Variants in CDKAL1 observed in about 807,000 individuals in gnomAD.
The protein encoded by CDKAL1 is CDKAL1 threonylcarbamoyladenosine tRNA methylthiotransferase, also known as threonylcarbamoyladenosine tRNA methylthiotransferase.
CDKAL1 carries 32 observed loss-of-function variants against 68.2 expected under a neutral mutation model. That is an observed-to-expected ratio of 0.47 (90% confidence interval 0.35 to 0.63). The LOEUF is 0.63. CDKAL1 is among the 30% of genes least tolerant of loss of function. The pLI, the probability that CDKAL1 is intolerant of heterozygous loss-of-function variation, is 0.00. For synonymous variants in CDKAL1, 234 were observed against 244.3 expected, an observed-to-expected ratio of 0.96 and a Z score of 0.39; for missense variants, 606 against 696.7, an observed-to-expected ratio of 0.87 and a Z score of 1.47.
intron 13 of CDKAL1, among the ~76,000 whole-genome samples, chr6:21,195,700 G>T (rs1421472782): frequency 6.6e-6 from 1 of 151,206 alleles, no homozygotes; most frequent in Non-Finnish European, 1.5e-5. Flanking sequence ...TTATAGAGAC[G>T]GGGTTTTGCC....
intron 13 of CDKAL1, among the ~76,000 whole-genome samples, chr6:21,138,869 C>A (rs9295495): frequency 0.25 from 38,107 of 152,038 alleles, 4,865 homozygotes; most frequent in South Asian, 0.34. Context: ...CTGTAAAGTC[C>A]AGTTTGTCTC....
intron 13 of CDKAL1, among the ~76,000 whole-genome samples, chr6:21,162,127 A>G (rs1776954432): frequency 6.6e-6 from 1 of 152,202 alleles, no homozygotes; most frequent in Non-Finnish European, 1.5e-5. Flanking sequence ...AGATTATTTC[A>G]AACTCCAGAA....
At chr6:20,781,395 C>G in intron 8 of CDKAL1, 130 bp downstream of exon 8, 1 of 718,678 alleles carries the variant, frequency 1.4e-6, no homozygotes, top group African/African-American at 1.8e-5. Context: ...AAAATGTGCT[C>G]AAATACAGTT....
intron 5 of CDKAL1, among the ~76,000 whole-genome samples, chr6:20,683,150 A>T (rs1770461266): frequency 6.6e-6 from 1 of 152,066 alleles, no homozygotes; most frequent in Admixed American, 6.6e-5. Flanking sequence ...GTAATGTGTT[A>T]GGTACTTTTA....
At chr6:20,804,899 T>C (rs4712551) in intron 8 of CDKAL1, among the ~76,000 whole-genome samples, 53,678 of 152,044 alleles carry the variant, frequency 0.35, 10,810 homozygotes, top group Non-Finnish European at 0.44. Context: ...TTGTGACTAG[T>C]CATCATAACT....
Position 20,913,092 on chromosome 6 carries a change from T to C in CDKAL1, c.743-42327T>C, listed in dbSNP as rs1454264297. On this transcript the variant is annotated intron_variant, in intron 9 of 15. Transcript: ENST00000274695. ...TATCAGTCAGGGATCTCCAGAGAAA[T>C]AGAACCATTGAACCACAGTTGTTTA... Among the ~76,000 whole-genome samples, 3 of 147,178 alleles carry C rather than the reference T, an allele frequency of 2.0e-5. No homozygotes were observed. The Admixed American group carries it at 2.0e-4, about 10-fold the overall frequency.
At chr6:20,817,151 G>C (rs552059091) in intron 8 of CDKAL1, among the ~76,000 whole-genome samples, 4 of 152,206 alleles carry the variant, frequency 2.6e-5, no homozygotes, top group Admixed American at 6.6e-5. Context: ...GGTATAGTTG[G>C]AAGTAGAGCT....
intron 15 of CDKAL1, among the ~76,000 whole-genome samples, chr6:21,214,107 T>C (rs1779258652): frequency 6.6e-6 from 1 of 152,118 alleles, no homozygotes; most frequent in Non-Finnish European, 1.5e-5. Flanking sequence ...TCCACTTATG[T>C]GAAATATTGA....
At chr6:20,726,019 T>C (rs1274261335) in intron 5 of CDKAL1, among the ~76,000 whole-genome samples, 2 of 147,256 alleles carry the variant, frequency 1.4e-5, no homozygotes, top group African/African-American at 2.6e-5. Flanking sequence ...CTAAAATACG[T>C]TTTTTTTTCT....
At chr6:20,886,983 G>A (rs1457697171) in intron 9 of CDKAL1, among the ~76,000 whole-genome samples, 2 of 152,122 alleles carry the variant, frequency 1.3e-5, no homozygotes, top group Non-Finnish European at 2.9e-5. Context: ...GCTCAATAAT[G>A]AAGACAAACA....
intron 1 of CDKAL1, 48 bp from the exon 2 acceptor site, chr6:20,535,303 G>T (rs981042): frequency 0.099 from 15,054 of 152,272 alleles, 911 homozygotes; most frequent in African/African-American, 0.15. Context: ...CAGTGGTTTT[G>T]TGAACTTTTT....
At position 20,833,246 on chromosome 6, in the gene CDKAL1, A is replaced by G. The variant is rs927390537; in HGVS notation, c.639-12829A>G. ...TGAGCTTTACTGACTGCGTGAGAGA[A>G]GAGTTGATTCCTGAACAAAATCAGT... On this transcript the variant is annotated intron_variant, in intron 8 of 15. Transcript: ENST00000274695. Among the ~76,000 whole-genome samples the G allele has an allele frequency of 6.6e-5, 10 of 152,198 alleles. 1 individual carries two copies. Among genetic ancestry groups the G allele is most frequent in the Non-Finnish European group, 1.5e-4 (10 of 68,036 alleles).
intron 9 of CDKAL1, among the ~76,000 whole-genome samples, chr6:20,880,441 G>A (rs552515852): frequency 6.6e-6 from 1 of 152,154 alleles, no homozygotes; most frequent in East Asian, 1.9e-4. Context: ...TTTTTTAGTA[G>A]GGACAGGGTT....
chr6:20,816,367 A>G (rs377697592), intron 8 of CDKAL1, among the ~76,000 whole-genome samples: 3 of 152,180 alleles, frequency 2.0e-5, no homozygotes, highest in South Asian at 2.1e-4. Flanking sequence ...CTATCAGTGA[A>G]TTTTAGTGTC....
intron 4 of CDKAL1, among the ~76,000 whole-genome samples, chr6:20,596,354 C>G (rs553026468): frequency 6.6e-6 from 1 of 152,182 alleles, no homozygotes; most frequent in South Asian, 2.1e-4. Flanking sequence ...TTCAGAGATG[C>G]CCTCCCCAGC....
intron 10 of CDKAL1, among the ~76,000 whole-genome samples, chr6:20,971,393 AT>A (rs1340728365): frequency 6.6e-6 from 1 of 152,198 alleles, no homozygotes. Context: ...ACATTTGTTG[AT>A]CGGAAAGATA....
At chr6:21,138,534 T>C (rs1424845997) in intron 13 of CDKAL1, among the ~76,000 whole-genome samples, 3 of 152,170 alleles carry the variant, frequency 2.0e-5, no homozygotes, top group African/African-American at 7.2e-5. Flanking sequence ...ACATTTGTCA[T>C]CTGTGAAACA....
chr6:20,654,113 C>T (rs1394354732), intron 5 of CDKAL1, among the ~76,000 whole-genome samples: 2 of 151,024 alleles, frequency 1.3e-5, no homozygotes, highest in African/African-American at 2.4e-5. Context: ...GAACTTCTGA[C>T]CTCAAGTGAT....
intron 8 of CDKAL1, among the ~76,000 whole-genome samples, chr6:20,801,425 G>A (rs893979905): frequency 6.6e-6 from 1 of 152,168 alleles, no homozygotes; most frequent in African/African-American, 2.4e-5. Flanking sequence ...CATGAAGATT[G>A]TTATTAACAT....
Sources: gnomAD v4.1 joint callset for allele counts (sites outside exome capture counted in the v4.1 genomes callset) on GRCh38, gnomAD v4.1.1 for gene constraint, MANE v1.5 for transcripts, NCBI Gene and HGNC (gene_info 2026-07-23, HGNC 2026-07-21) for gene names.